MOB3B: variants seen among roughly 807,000 people sequenced by gnomAD.
MOB3B encodes the protein MOB kinase activator 3B, also known as MOB kinase activator-like 2B.
A neutral mutation model predicts 18.7 loss-of-function variants in MOB3B; 7 were observed. The ratio of observed to expected loss-of-function variants is 0.37; its 90% CI spans 0.21 to 0.70. The LOEUF is 0.70. Among genes scored for constraint, MOB3B ranks in the 30% least tolerant of loss-of-function variants. The pLI, the probability that MOB3B is intolerant of heterozygous loss-of-function variation, is 0.52. For synonymous variants in MOB3B, 111 were observed against 99.9 expected (o/e 1.11, Z -0.66); for missense variants, 253 against 281.3 (o/e 0.90, Z 0.72).
At chr9:27,355,784 G>C (rs140313963) in intron 3 of MOB3B, among the ~76,000 whole-genome samples, 1 of 152,074 alleles carries the variant, frequency 6.6e-6, no homozygotes, top group East Asian at 1.9e-4. Context: ...GGATGGTCTC[G>C]ATCTCCTGAC....
At chr9:27,391,533 A>G (rs1018245697) in intron 2 of MOB3B, among the ~76,000 whole-genome samples, 1 of 152,206 alleles carries the variant, frequency 6.6e-6, no homozygotes, top group South Asian at 2.1e-4. Flanking sequence ...ACGTTTGGAA[A>G]CCATAGACAT....
chr9:27,461,240 T>C (rs1280254151), intron 1 of MOB3B, among the ~76,000 whole-genome samples: 1 of 152,194 alleles, frequency 6.6e-6, no homozygotes, highest in Non-Finnish European at 1.5e-5. Flanking sequence ...GGGGTGTATG[T>C]ATGTGTGTAT....
chr9:27,346,023 G>T (rs189791249), intron 3 of MOB3B, among the ~76,000 whole-genome samples: 18 of 152,306 alleles, frequency 1.2e-4, no homozygotes, highest in Admixed American at 3.3e-4. Context: ...AATGCCCAGT[G>T]TAATAGTATT....
chr9:27,497,693 G>C (rs1368833201), intron 1 of MOB3B, among the ~76,000 whole-genome samples: 2 of 151,732 alleles, frequency 1.3e-5, no homozygotes, highest in Non-Finnish European at 2.9e-5. Flanking sequence ...CTTTCTCTTA[G>C]CAATGTGAAT....
intron 1 of MOB3B, among the ~76,000 whole-genome samples, chr9:27,500,782 A>C (rs1185253443): frequency 1.3e-5 from 2 of 152,236 alleles, no homozygotes; most frequent in Non-Finnish European, 1.5e-5. Context: ...TCTGCACAGC[A>C]AAAGAAACTA....
At chr9:27,529,458 G>T in intron 1 of MOB3B, 97 bp downstream of exon 1, 2 of 800,954 alleles carry the variant, frequency 2.5e-6, no homozygotes, top group Non-Finnish European at 3.0e-6. Flanking sequence ...CCGCGCCCAG[G>T]TGCGCCCCAA....
chr9:27,523,855 T>C (rs1820381599), intron 1 of MOB3B, among the ~76,000 whole-genome samples: 1 of 152,190 alleles, frequency 6.6e-6, no homozygotes, highest in African/African-American at 2.4e-5. Flanking sequence ...GGTCAATGTC[T>C]ATGATTAACT....
At chr9:27,361,789 G>A (rs1486190876) in intron 2 of MOB3B, among the ~76,000 whole-genome samples, 4 of 152,166 alleles carry the variant, frequency 2.6e-5, no homozygotes, top group African/African-American at 7.2e-5. Flanking sequence ...CAAAGTCCAC[G>A]AGCACTGCTC....
chr9:27,487,290 A>G (rs1415625998), intron 1 of MOB3B, among the ~76,000 whole-genome samples: 2 of 152,148 alleles, frequency 1.3e-5, no homozygotes, highest in African/African-American at 2.4e-5. Context: ...TGCAGATCAG[A>G]AGGCACATGT....
At chr9:27,403,193 C>T (rs996642924) in intron 2 of MOB3B, among the ~76,000 whole-genome samples, 3 of 152,210 alleles carry the variant, frequency 2.0e-5, no homozygotes, top group African/African-American at 7.2e-5. Flanking sequence ...GAAAGGAAGA[C>T]TTAACCTAGC....
chr9:27,461,199 G>C (rs1476538740), intron 1 of MOB3B, among the ~76,000 whole-genome samples: 2 of 152,128 alleles, frequency 1.3e-5, no homozygotes, highest in East Asian at 1.9e-4. Context: ...CCCAAATATT[G>C]AATTAAAGTA....
At chr9:27,335,292 C>T (rs1460965365) in intron 3 of MOB3B, among the ~76,000 whole-genome samples, 4 of 152,182 alleles carry the variant, frequency 2.6e-5, no homozygotes, top group African/African-American at 9.7e-5. Flanking sequence ...ATGGGTGTCA[C>T]CTACTCCAAC....
chr9:27,419,060 C>CAAAAAAAA lies in MOB3B; in HGVS notation c.418+36065_418+36072dup, dbSNP rs567613310. On this transcript the variant is annotated intron_variant, in intron 2 of 3. Transcript: ENST00000262244. ...AACTCAACCCCTTTTACGATAGCTG[C>CAAAAAAAA]AAAAAAAAAAAAAAAAGACTTAGTA... is the stretch of plus-strand genomic sequence containing the variant. Among the ~76,000 whole-genome samples, 2 of 123,854 alleles carry CAAAAAAAA rather than the reference C, an allele frequency of 1.6e-5. 1 individual carries two copies. The highest frequency in any genetic ancestry group is 6.3e-5 in the African/African-American group (2 of 31,630). The allele number at this position is 123,854 out of a possible 152,430, so 81.3% of individuals were successfully genotyped here.
chr9:27,366,079 G>A (rs1437073487), intron 2 of MOB3B, among the ~76,000 whole-genome samples: 1 of 152,174 alleles, frequency 6.6e-6, no homozygotes, highest in East Asian at 1.9e-4. Context: ...GGAGAGTAAG[G>A]AGAGTGCAGG....
chr9:27,484,279 C>T (rs1426250177), intron 1 of MOB3B, among the ~76,000 whole-genome samples: 2 of 152,200 alleles, frequency 1.3e-5, no homozygotes, highest in African/African-American at 4.8e-5. Context: ...ACAGCCATCA[C>T]AGAAGACACT....
chr9:27,525,197 CT>C (rs1820417159), intron 1 of MOB3B, among the ~76,000 whole-genome samples: 2 of 152,182 alleles, frequency 1.3e-5, no homozygotes, highest in Non-Finnish European at 2.9e-5. Flanking sequence ...ATAAGATTCC[CT>C]CTCCGTCTTC....
At chr9:27,427,254 C>T (rs1415691367) in intron 2 of MOB3B, among the ~76,000 whole-genome samples, 1 of 152,122 alleles carries the variant, frequency 6.6e-6, no homozygotes, top group Non-Finnish European at 1.5e-5. Flanking sequence ...TTATGTTCAA[C>T]AAAAGGAGAA....
intron 2 of MOB3B, among the ~76,000 whole-genome samples, chr9:27,368,089 G>A (rs181240024): frequency 3.3e-5 from 5 of 152,134 alleles, no homozygotes; most frequent in East Asian, 3.9e-4. Flanking sequence ...TCCCACACAC[G>A]TGGAAAAAGA....
chr9:27,487,025 G>C (rs1819737866), intron 1 of MOB3B, among the ~76,000 whole-genome samples: 1 of 152,036 alleles, frequency 6.6e-6, no homozygotes, highest in Admixed American at 6.6e-5. Flanking sequence ...CAGCTACTCA[G>C]GAGGCTGAGG....
Sources: gnomAD v4.1 joint callset for allele counts (sites outside exome capture counted in the v4.1 genomes callset) on GRCh38, gnomAD v4.1.1 for gene constraint, MANE v1.5 for transcripts, NCBI Gene and HGNC (gene_info 2026-07-23, HGNC 2026-07-21) for gene names.